Variants in IQCJ observed in about 807,000 individuals in gnomAD.
IQCJ encodes IQ motif containing J, also known as IQ domain-containing protein J.
Under a neutral mutation model 11.0 loss-of-function variants are expected in IQCJ, and 9 were observed. The ratio of observed to expected loss-of-function variants is 0.82; its 90% CI spans 0.49 to 1.43. The LOEUF is 1.43. IQCJ is among the 40% of genes most tolerant of loss of function. The pLI, the probability that IQCJ is intolerant of heterozygous loss-of-function variation, is 0.00. For missense variants in IQCJ, 146 were observed against 133.2 expected, an observed-to-expected ratio of 1.10 and a Z score of -0.47; for synonymous variants, 55 against 51.3, an observed-to-expected ratio of 1.07 and a Z score of -0.31.
intron 1 of IQCJ, among the ~76,000 whole-genome samples, chr3:159,188,814 T>C (rs1364596490): frequency 3.3e-5 from 5 of 152,154 alleles, no homozygotes; most frequent in African/African-American, 1.2e-4. Flanking sequence ...GCCCAGCTCA[T>C]AGTAGGAGTT....
chr3:159,129,011 A>C (rs1313500500), intron 1 of IQCJ, among the ~76,000 whole-genome samples: 4 of 152,162 alleles, frequency 2.6e-5, no homozygotes, highest in Non-Finnish European at 5.9e-5. Context: ...TGCTAAAAAC[A>C]ACCACGCATA....
At chr3:159,160,449 T>A (rs112283689) in intron 1 of IQCJ, among the ~76,000 whole-genome samples, 28,139 of 151,930 alleles carry the variant, frequency 0.19, 2,810 homozygotes, top group African/African-American at 0.25. Context: ...ATTATAGATG[T>A]GTGCCATCAC....
intron 1 of IQCJ, among the ~76,000 whole-genome samples, chr3:159,084,626 A>C (rs545087307): frequency 9.2e-5 from 14 of 152,268 alleles, no homozygotes; most frequent in African/African-American, 2.6e-4. Flanking sequence ...AGAAGGGTTA[A>C]GCAACTTGCC....
intron 3 of IQCJ, among the ~76,000 whole-genome samples, chr3:159,255,992 T>C (rs1455008356): frequency 1.3e-5 from 2 of 152,218 alleles, no homozygotes; most frequent in African/African-American, 4.8e-5. Context: ...AGCAAAGGAA[T>C]GCAGGCTTAG....
chr3:159,150,901 C>T (rs1721176338), intron 1 of IQCJ, among the ~76,000 whole-genome samples: 1 of 152,136 alleles, frequency 6.6e-6, no homozygotes, highest in Non-Finnish European at 1.5e-5. Flanking sequence ...GAATGACTAC[C>T]CTGGTGCTTT....
chr3:159,119,235 C>A (rs547278769), intron 1 of IQCJ, among the ~76,000 whole-genome samples: 2 of 152,256 alleles, frequency 1.3e-5, no homozygotes, highest in Non-Finnish European at 2.9e-5. Context: ...TTAGAATAAT[C>A]AATTAGCCTA....
At chr3:159,192,266 T>C (rs1723734182) in intron 1 of IQCJ, among the ~76,000 whole-genome samples, 1 of 151,034 alleles carries the variant, frequency 6.6e-6, no homozygotes, top group Admixed American at 6.6e-5. Context: ...GATCTCTTTT[T>C]AGAATCCAGG....
intron 1 of IQCJ, among the ~76,000 whole-genome samples, chr3:159,202,228 T>G (rs1460104218): frequency 6.6e-6 from 1 of 152,222 alleles, no homozygotes; most frequent in African/African-American, 2.4e-5. Flanking sequence ...CAACTTGTCC[T>G]GAGTTTTAAA....
In IQCJ at chr3:159,123,103, G is replaced by GGT. The variant is rs539412043; in HGVS notation, c.9+53663_9+53664dup. On this transcript the variant is annotated intron_variant, in intron 1 of 3. Coordinates refer to ENST00000397832, the MANE Select transcript of IQCJ (RefSeq NM_001042706.3). ...CAGGCAGTAAAAAAGTTATGCTTGAGGTAACACAACAATGGTGTTAATGTA... is the reference window on the plus strand; with the variant it reads ...CAGGCAGTAAAAAAGTTATGCTTGAGGTGTAACACAACAATGGTGTTAATGTA... Among the ~76,000 whole-genome samples the GGT allele has an allele frequency of 1.2e-3, 187 of 152,260 alleles. 1 individual carries two copies. The highest frequency in any genetic ancestry group is 2.0e-3 in the Non-Finnish European group (139 of 68,006).
At chr3:159,124,750 T>C (rs1719574288) in intron 1 of IQCJ, among the ~76,000 whole-genome samples, 1 of 152,236 alleles carries the variant, frequency 6.6e-6, no homozygotes, top group Admixed American at 6.5e-5. Flanking sequence ...GCATCTGGCA[T>C]GGAGTAGATG....
At chr3:159,156,694 G>C (rs1306686748) in intron 1 of IQCJ, among the ~76,000 whole-genome samples, 1 of 152,146 alleles carries the variant, frequency 6.6e-6, no homozygotes, top group African/African-American at 2.4e-5. Context: ...GCAGGTAGAA[G>C]AGGTGTAAAG....
chr3:159,145,484 T>TC (rs1720873629), intron 1 of IQCJ, among the ~76,000 whole-genome samples: 1 of 152,220 alleles, frequency 6.6e-6, no homozygotes, highest in African/African-American at 2.4e-5. Flanking sequence ...TCCAGAGATT[T>TC]TTTTTTCACA....
intron 1 of IQCJ, among the ~76,000 whole-genome samples, chr3:159,185,737 C>T (rs1723338788): frequency 6.6e-6 from 1 of 152,134 alleles, no homozygotes; most frequent in Admixed American, 6.5e-5. Flanking sequence ...TCTTCACTTG[C>T]TGGGGTGCTT....
At chr3:159,144,721 A>G (rs575845255) in intron 1 of IQCJ, among the ~76,000 whole-genome samples, 1 of 152,168 alleles carries the variant, frequency 6.6e-6, no homozygotes, top group African/African-American at 2.4e-5. Flanking sequence ...ATCATTGTGT[A>G]ACATAGAGAG....
At chr3:159,071,336 A>G (rs1715546414) in intron 1 of IQCJ, among the ~76,000 whole-genome samples, 1 of 151,926 alleles carries the variant, frequency 6.6e-6, no homozygotes, top group Admixed American at 6.6e-5. Flanking sequence ...TGTGTAACTG[A>G]TTTCTATTTT....
chr3:159,144,846 C>T (rs572008210), intron 1 of IQCJ, among the ~76,000 whole-genome samples: 41 of 152,262 alleles, frequency 2.7e-4, no homozygotes, highest in Non-Finnish European at 5.6e-4. Flanking sequence ...GAATCAGATA[C>T]GAAGAAATGG....
chr3:159,087,785 T>A (rs1716905511), intron 1 of IQCJ, among the ~76,000 whole-genome samples: 1 of 151,986 alleles, frequency 6.6e-6, no homozygotes, highest in East Asian at 1.9e-4. Flanking sequence ...CATTTTTTAT[T>A]GCATCTATTT....
chr3:159,200,578 C>G (rs1577076507), intron 1 of IQCJ, among the ~76,000 whole-genome samples: 1 of 152,158 alleles, frequency 6.6e-6, no homozygotes, highest in East Asian at 1.9e-4. Flanking sequence ...CCCCAACCAC[C>G]ATCCTCCAGC....
chr3:159,093,879 C>A (rs111286204), intron 1 of IQCJ, among the ~76,000 whole-genome samples: 14 of 151,896 alleles, frequency 9.2e-5, no homozygotes, highest in African/African-American at 3.2e-4. Context: ...CATGGGGGAA[C>A]CTCCTCCATG....
Sources: allele counts gnomAD v4.1 joint callset (sites outside exome capture counted in the v4.1 genomes callset), GRCh38; gene constraint gnomAD v4.1.1; transcripts MANE v1.5; gene names NCBI Gene and HGNC (gene_info 2026-07-23, HGNC 2026-07-21).